Variants in USP26 observed in about 807,000 individuals in gnomAD.
The protein encoded by USP26 is ubiquitin carboxyl-terminal hydrolase 26.
For synonymous variants in USP26, 236 were observed against 240.6 expected, an observed-to-expected ratio of 0.98 and a Z score of 0.18; for missense variants, 649 against 642.3, an observed-to-expected ratio of 1.01 and a Z score of -0.11.
At chrX:133,061,619 C>A (rs2067494379) in intron 5 of USP26, among the ~76,000 whole-genome samples, 1 of 112,174 alleles carries the variant, frequency 8.9e-6, no homozygotes, top group Non-Finnish European at 1.9e-5. Context: ...CTCACTGGGA[C>A]TGGTTAGGCA....
intron 5 of USP26, among the ~76,000 whole-genome samples, chrX:133,029,443 C>T (rs2148525757): frequency 8.9e-6 from 1 of 112,209 alleles, no homozygotes; most frequent in Admixed American, 9.5e-5. Flanking sequence ...TACGAAAGTG[C>T]ATATGCATCC....
intron 5 of USP26, among the ~76,000 whole-genome samples, chrX:133,033,230 G>A (rs2067384295): frequency 8.9e-6 from 1 of 111,879 alleles, no homozygotes. Flanking sequence ...CAGCTTCAGT[G>A]TGCATGGCTT....
chrX:133,092,387 C>G (rs140188906), intron 1 of USP26, among the ~76,000 whole-genome samples: 3,791 of 111,790 alleles, frequency 0.034, 97 homozygotes, highest in East Asian at 0.1. Context: ...TGTTCACCAG[C>G]TTATACAATA....
At chrX:133,072,034 A>G (rs925197153) in intron 5 of USP26, among the ~76,000 whole-genome samples, 14 of 111,688 alleles carry the variant, frequency 1.3e-4, no homozygotes, top group African/African-American at 4.6e-4. Flanking sequence ...TACTTAGGTA[A>G]GATTAACAGG....
Position 133,026,014 on chromosome X carries a change from G to C in USP26, c.2207C>G (p.Ser736Cys). Residue 736 changes from serine (S) to cysteine (C), a missense_variant, in exon 6 of 6, where the codon TCT becomes TGT. By Grantham distance (112) the Ser-to-Cys change is moderately radical. Coordinates refer to ENST00000511190, the MANE Select transcript of USP26 (RefSeq NM_031907.3). ...IRIPERFQKV[S>C]EQTQQCDGMR... is the part of the protein sequence containing the mutation. ...ACCGTCACACTGCTGAGTCTGTTCA[G>C]ACACTTTTTGGAATCTTTCTGGAAT... 1 of 1,209,785 alleles carries C rather than the reference G, an allele frequency of 8.3e-7. No homozygotes were observed. The highest frequency in any genetic ancestry group is 1.8e-5 in the South Asian group (1 of 56,910).
intron 5 of USP26, among the ~76,000 whole-genome samples, chrX:133,055,295 G>A (rs764113777): frequency 4.5e-5 from 5 of 111,523 alleles, no homozygotes; most frequent in Non-Finnish European, 9.4e-5. Flanking sequence ...TTGCCAATGA[G>A]ATTAGAGCTT....
intron 1 of USP26, among the ~76,000 whole-genome samples, chrX:133,094,678 T>C (rs966799062): frequency 3.6e-5 from 4 of 111,961 alleles, no homozygotes; most frequent in African/African-American, 1.3e-4. Context: ...AACACACAAT[T>C]GTTTCAGGAT....
chrX:133,034,757 C>T (rs1007548502), intron 5 of USP26, among the ~76,000 whole-genome samples: 4 of 110,934 alleles, frequency 3.6e-5, no homozygotes, highest in African/African-American at 1.3e-4. Context: ...AATCCCAGCA[C>T]TTTGGGAGAC....
intron 5 of USP26, among the ~76,000 whole-genome samples, chrX:133,060,277 G>C (rs2067490247): frequency 8.9e-6 from 1 of 111,817 alleles, no homozygotes; most frequent in Non-Finnish European, 1.9e-5. Context: ...CTGTTCAGTA[G>C]GTTAATGCTG....
At chrX:133,061,538 C>T (rs975368664) in intron 5 of USP26, among the ~76,000 whole-genome samples, 2 of 112,503 alleles carry the variant, frequency 1.8e-5, no homozygotes, top group Non-Finnish European at 3.8e-5. Flanking sequence ...CAGCTCCAGT[C>T]GGCAGCTCCC....
In USP26 at chrX:133,026,023, T is replaced by C. The variant is rs2067345996; in HGVS notation, c.2198A>G (p.Gln733Arg). The change falls in exon 6 of 6, where the codon CAA becomes CGA. Residue 733 changes from glutamine (Q) to arginine (R), a missense_variant. Transcript: ENST00000511190. ...DKNIRIPERFQKVSEQTQQCD... is the reference protein window; with the variant it reads ...DKNIRIPERFRKVSEQTQQCD... Reference sequence around the variant, plus strand: ...CTGCTGAGTCTGTTCAGACACTTTTTGGAATCTTTCTGGAATTCTGATATT... The same window carrying C: ...CTGCTGAGTCTGTTCAGACACTTTTCGGAATCTTTCTGGAATTCTGATATT... The C allele has an allele frequency of 9.1e-6, 11 of 1,210,617 alleles. No homozygotes were observed. Among genetic ancestry groups the C allele is most frequent in the Non-Finnish European group, 1.2e-5 (11 of 894,511 alleles).
rs1337597906 is a variant in USP26, at chrX:133,027,616, T to G, written c.605A>C (p.Glu202Ala). 1 of 1,210,977 alleles carries G rather than the reference T, an allele frequency of 8.3e-7. No individual in the cohort carries two copies. Among genetic ancestry groups the G allele is most frequent in the East Asian group, 3.0e-5 (1 of 33,845 alleles). ...EEFLKENNSVEYKKSKADCSR... is the reference protein window; with the variant it reads ...EEFLKENNSVAYKKSKADCSR... ...ACAATCTGCCTTGGATTTCTTGTATTCTACAGAATTATTTTCTTTCAAGAA... is the reference window on the plus strand; with the variant it reads ...ACAATCTGCCTTGGATTTCTTGTATGCTACAGAATTATTTTCTTTCAAGAA... Residue 202 changes from glutamate to alanine, a missense_variant, in exon 6 of 6, where the codon GAA (glutamate) becomes GCA (alanine). Glu to Ala is a moderately radical substitution (Grantham distance 107, BLOSUM62 -1). Transcript: ENST00000511190.
At chrX:133,069,829 G>T (rs2067524999) in intron 5 of USP26, among the ~76,000 whole-genome samples, 1 of 111,722 alleles carries the variant, frequency 9.0e-6, no homozygotes, top group Admixed American at 9.6e-5. Flanking sequence ...AAAAAAGAAA[G>T]AGTGCTCTTG....
chrX:133,027,810 C>T lies in USP26; in HGVS notation c.411G>A (p.Glu137=). ...INKTSFHKVD[E]KSSSKSFEIA... ...TCTCAAAAGATTTGCTACTTGATTT[C>T]TCATCAACTTTGTGGAATGAAGTTT... The change falls in exon 6 of 6, where the codon GAG becomes GAA. Residue 137 remains glutamate, a synonymous_variant. Transcript: ENST00000511190. 8.3e-7 allele frequency: 1 copy of T among 1,209,066 alleles called. No individual in the cohort carries two copies. The highest frequency in any genetic ancestry group is 1.8e-5 in the South Asian group (1 of 56,704).
At chrX:133,033,191 C>T (rs749673917) in intron 5 of USP26, among the ~76,000 whole-genome samples, 3 of 111,518 alleles carry the variant, frequency 2.7e-5, no homozygotes, top group Non-Finnish European at 5.6e-5. Flanking sequence ...AGAGCATTAG[C>T]AATTAAATCC....
intron 5 of USP26, among the ~76,000 whole-genome samples, chrX:133,075,078 G>A (rs959097119): frequency 9.0e-6 from 1 of 111,190 alleles, no homozygotes; most frequent in Non-Finnish European, 1.9e-5. Flanking sequence ...TTCCTATTGT[G>A]TCCTCCCACT....
chrX:133,053,564 A>G (rs1320075855), intron 5 of USP26, among the ~76,000 whole-genome samples: 1 of 110,207 alleles, frequency 9.1e-6, no homozygotes, highest in African/African-American at 3.3e-5. Context: ...GGAAAAAAAA[A>G]GTATAGAGGG....
intron 5 of USP26, 110 bp from the exon 6 acceptor site, chrX:133,028,406 C>T: frequency 2.0e-6 from 1 of 508,937 alleles, no homozygotes; most frequent in Non-Finnish European, 3.3e-6. Context: ...ATATCCAGCT[C>T]TTCAGTAACG....
At chrX:133,038,971 T>C (rs1343578678) in intron 5 of USP26, among the ~76,000 whole-genome samples, 1 of 112,200 alleles carries the variant, frequency 8.9e-6, no homozygotes, top group Non-Finnish European at 1.9e-5. Flanking sequence ...TAGTATTCTC[T>C]GATGGTAGTT....
Sources: allele counts gnomAD v4.1 joint callset (sites outside exome capture counted in the v4.1 genomes callset), GRCh38; gene constraint gnomAD v4.1.1; transcripts MANE v1.5; gene names NCBI Gene and HGNC (gene_info 2026-07-23, HGNC 2026-07-21).